The following MPHOSPH6 variants were observed in gnomAD, a reference collection of about 807,000 sequenced individuals.
MPHOSPH6 encodes M-phase phosphoprotein 6.
In MPHOSPH6, 25 loss-of-function variants were observed where a neutral mutation model predicts 21.8. The ratio of observed to expected loss-of-function variants is 1.15; its 90% CI spans 0.83 to 1.60. The LOEUF (loss-of-function observed/expected upper bound fraction) is 1.60, where lower values mean the gene tolerates loss of function less well. MPHOSPH6 is among the 40% of genes most tolerant of loss of function. MPHOSPH6 has a pLI of 0.00. For missense variants in MPHOSPH6, 269 were observed against 181.8 expected, an observed-to-expected ratio of 1.48 and a Z score of -2.76; for synonymous variants, 84 against 56.5, an observed-to-expected ratio of 1.49 and a Z score of -2.18.
intron 2 of MPHOSPH6, among the ~76,000 whole-genome samples, chr16:82,157,876 G>A (rs1177915200): frequency 1.3e-5 from 2 of 152,202 alleles, no homozygotes; most frequent in African/African-American, 2.4e-5. Flanking sequence ...CAGTTGGAAT[G>A]GAGACAATGC....
At chr16:82,165,231 G>A (rs1034062550) in intron 1 of MPHOSPH6, among the ~76,000 whole-genome samples, 1 of 148,938 alleles carries the variant, frequency 6.7e-6, no homozygotes, top group African/African-American at 2.5e-5. Flanking sequence ...AGGTTCAAGA[G>A]GTTCTCCTGC....
Position 82,148,440 on chromosome 16 carries a change from G to A in MPHOSPH6, c.*291C>T. On this transcript the variant is annotated 3_prime_UTR_variant, in exon 5 of 5. Coordinates refer to ENST00000258169, the MANE Select transcript of MPHOSPH6 (RefSeq NM_005792.2). ...AGTCAATTCAAGGTCAGTGACTGGAGAACTATATTAAGAGAAACCTGAGGT... is the reference window on the plus strand; with the variant it reads ...AGTCAATTCAAGGTCAGTGACTGGAAAACTATATTAAGAGAAACCTGAGGT... 1 of 258,382 alleles carries A rather than the reference G, an allele frequency of 3.9e-6. No homozygotes were observed. Among genetic ancestry groups the A allele is most frequent in the Non-Finnish European group, 7.2e-6 (1 of 138,574 alleles). 16.0% of individuals were successfully genotyped at this position (258,382 alleles called of 1,614,324 possible).
chr16:82,154,344 A>C (rs1282032406), intron 2 of MPHOSPH6, among the ~76,000 whole-genome samples: 1 of 152,236 alleles, frequency 6.6e-6, no homozygotes, highest in African/African-American at 2.4e-5. Flanking sequence ...CTGCCTAATG[A>C]AACAAAATTC....
intron 1 of MPHOSPH6, among the ~76,000 whole-genome samples, chr16:82,168,501 C>T (rs1163917137): frequency 7.0e-6 from 1 of 143,744 alleles, no homozygotes; most frequent in East Asian, 2.0e-4. Flanking sequence ...GACAGGGTCT[C>T]CCTGTGTCAC....
intron 1 of MPHOSPH6, among the ~76,000 whole-genome samples, chr16:82,166,934 C>G (rs993891786): frequency 6.6e-6 from 1 of 152,168 alleles, no homozygotes; most frequent in East Asian, 1.9e-4. Flanking sequence ...AAGTTCGATT[C>G]TCCTACTCTA....
chr16:82,163,472 T>C (rs183265664), intron 2 of MPHOSPH6, among the ~76,000 whole-genome samples: 16 of 152,302 alleles, frequency 1.1e-4, no homozygotes, highest in Admixed American at 5.9e-4. Flanking sequence ...ACTAGCTGGG[T>C]GAAGCTGGGC....
At chr16:82,158,215 G>A (rs79036530) in intron 2 of MPHOSPH6, among the ~76,000 whole-genome samples, 17,769 of 151,810 alleles carry the variant, frequency 0.12, 1,279 homozygotes, top group East Asian at 0.29. Flanking sequence ...TTAGCCGGGC[G>A]CAGTGGCTCA....
At chr16:82,156,695 A>G (rs1417610011) in intron 2 of MPHOSPH6, among the ~76,000 whole-genome samples, 3 of 152,222 alleles carry the variant, frequency 2.0e-5, no homozygotes, top group Non-Finnish European at 2.9e-5. Flanking sequence ...TTAAAGTACA[A>G]TTCCACAGTT....
rs34375324 is a variant in MPHOSPH6 at position 82,148,813 on chromosome 16, T to C, written c.401A>G (p.Asp134Gly). The change falls in exon 5 of 5, where the codon GAC becomes GGC. Residue 134 changes from aspartate (D) to glycine (G), a missense_variant. By Grantham distance (94) the Asp-to-Gly change is moderately conservative. Transcript: ENST00000258169. Reference sequence around the variant, plus strand: ...TTCATCTTCTTCATAATTGGCATGGTCTCTCTTTCTGGCAAACTTTTTCCC... The same window carrying C: ...TTCATCTTCTTCATAATTGGCATGGCCTCTCTTTCTGGCAAACTTTTTCCC... ...TIGKKFARKR[D>G]HANYEEDENG... The C allele has an allele frequency of 0.015, 24,038 of 1,613,936 alleles. 234 individuals carry two copies. The highest frequency in any genetic ancestry group is 0.018 in the Non-Finnish European group (21,675 of 1,179,840).
intron 2 of MPHOSPH6, chr16:82,163,840 G>A: frequency 2.5e-6 from 1 of 402,270 alleles, no homozygotes; most frequent in East Asian, 4.9e-5. Context: ...AGATATGTGG[G>A]CTAGGTTCCT....
At chr16:82,164,592 T>C (rs1906706817) in intron 1 of MPHOSPH6, 1 of 165,606 alleles carries the variant, frequency 6.0e-6, no homozygotes, top group Non-Finnish European at 1.3e-5. Context: ...CTTCTATGAG[T>C]GCCAGTAAAA....
At chr16:82,168,472 CTT>C (rs552110598) in intron 1 of MPHOSPH6, among the ~76,000 whole-genome samples, 7 of 48,010 alleles carry the variant, frequency 1.5e-4, no homozygotes, top group Non-Finnish European at 3.1e-4. Flanking sequence ...TACTCTCTCT[CTT>C]TTTTTTTTTT....
chr16:82,155,521 C>T (rs527595751), intron 2 of MPHOSPH6, among the ~76,000 whole-genome samples: 1 of 151,918 alleles, frequency 6.6e-6, no homozygotes, highest in South Asian at 2.1e-4. Flanking sequence ...TACATACACA[C>T]AACAAATAAG....
chr16:82,166,532 G>A (rs1906786031), intron 1 of MPHOSPH6, among the ~76,000 whole-genome samples: 2 of 152,166 alleles, frequency 1.3e-5, no homozygotes, highest in Admixed American at 1.3e-4. Context: ...CTGGAATATT[G>A]TTCACCATCG....
intron 1 of MPHOSPH6, among the ~76,000 whole-genome samples, chr16:82,166,381 C>T (rs1160453823): frequency 6.6e-6 from 1 of 152,202 alleles, no homozygotes; most frequent in Non-Finnish European, 1.5e-5. Context: ...AACACGTTTC[C>T]ATTTTCTGCC....
chr16:82,165,439 T>C (rs576899871), intron 1 of MPHOSPH6, among the ~76,000 whole-genome samples: 3 of 152,094 alleles, frequency 2.0e-5, no homozygotes, highest in Non-Finnish European at 2.9e-5. Context: ...CCCATATTTC[T>C]CCTCCTTCTA....
intron 2 of MPHOSPH6, 93 bp downstream of exon 2, chr16:82,163,989 G>A (rs1906683358): frequency 1.3e-6 from 1 of 764,656 alleles, no homozygotes; most frequent in South Asian, 1.8e-5. Flanking sequence ...ACAATTTCAT[G>A]GGCTTTATGT....
At chr16:82,159,062 C>A (rs73591453) in intron 2 of MPHOSPH6, among the ~76,000 whole-genome samples, 2 of 152,138 alleles carry the variant, frequency 1.3e-5, no homozygotes, top group Non-Finnish European at 2.9e-5. Flanking sequence ...TGGAGTTGTA[C>A]CAAAGAATTA....
chr16:82,168,022 T>G (rs1273641762), intron 1 of MPHOSPH6, among the ~76,000 whole-genome samples: 1 of 152,242 alleles, frequency 6.6e-6, no homozygotes, highest in Non-Finnish European at 1.5e-5. Flanking sequence ...AGTTTTTTCT[T>G]ATCAATGACC....
Sources: gnomAD v4.1 joint callset for allele counts (sites outside exome capture counted in the v4.1 genomes callset) on GRCh38, gnomAD v4.1.1 for gene constraint, MANE v1.5 for transcripts, NCBI Gene and HGNC (gene_info 2026-07-23, HGNC 2026-07-21) for gene names.